The following PGAP3 variants were observed in gnomAD, a reference collection of about 807,000 sequenced individuals.
The protein encoded by PGAP3 is GPI-specific phospholipase A2-like PGAP3.
In PGAP3, 31 loss-of-function variants were observed where a neutral mutation model predicts 40.3. That is an observed-to-expected ratio of 0.77 (90% confidence interval 0.58 to 1.04). The LOEUF (loss-of-function observed/expected upper bound fraction) is 1.04, where lower values mean the gene tolerates loss of function less well. PGAP3 is among the 50% of genes least tolerant of loss of function. The probability of loss-of-function intolerance (pLI) is 0.00; values close to 1 mark genes in which losing one functional copy is unlikely to be tolerated. For missense variants in PGAP3, 413 were observed against 423.0 expected (o/e 0.98, Z 0.21); for synonymous variants, 191 against 184.5 (o/e 1.04, Z -0.29).
At chr17:39,687,781 A>T (rs1397367819) in intron 1 of PGAP3, 53 bp downstream of exon 1, 1 of 1,232,064 alleles carries the variant, frequency 8.1e-7, no homozygotes. Flanking sequence ...TTGGGGGCGC[A>T]GGGGGCGGGA....
intron 4 of PGAP3, 146 bp from the exon 5 acceptor site, chr17:39,674,200 C>T (rs2057347541): frequency 2.5e-6 from 2 of 785,148 alleles, no homozygotes; most frequent in Admixed American, 2.2e-5. Flanking sequence ...CTTGTGTTCA[C>T]ATCACCATAC....
chr17:39,687,974 GC>G lies in PGAP3; in HGVS notation c.40del (p.Ala14GlnfsTer33). On this transcript the variant is annotated frameshift_variant, in exon 1 of 8. Transcript: ENST00000300658. LOFTEE classifies it high-confidence loss of function. Reference sequence around the variant, plus strand: ...CTGGGAGCCGCTCGCCAGCGCCGCTGCCCCAGCTAGCAGGACCAACCGCGCC... The same window carrying G: ...CTGGGAGCCGCTCGCCAGCGCCGCTGCCCAGCTAGCAGGACCAACCGCGCC... ...LAARLVLLAGAAALASGSQGD... is the reference protein window; with the variant it reads ...LAARLVLLAGXAALASGSQGD... 2.1e-6 allele frequency: 3 copies of G among 1,460,896 alleles called. No homozygotes were observed. The highest frequency in any genetic ancestry group is 2.8e-6 in the Non-Finnish European group (3 of 1,090,824). The allele number at this position is 1,460,896 out of a possible 1,614,324, so 90.5% of individuals were successfully genotyped here.
chr17:39,673,782 C>T, intron 5 of PGAP3, 132 bp from the exon 6 acceptor site: 1 of 1,334,534 alleles, frequency 7.5e-7, no homozygotes, highest in Non-Finnish European at 1.0e-6. Flanking sequence ...CCAAACAGGC[C>T]ACAGCTGGGC....
chr17:39,687,352 C>T (rs1278280478), intron 1 of PGAP3, among the ~76,000 whole-genome samples: 1 of 152,146 alleles, frequency 6.6e-6, no homozygotes, highest in African/African-American at 2.4e-5. Context: ...GGTTCTTTGC[C>T]CACTATGGTC....
chr17:39,681,916 C>T (rs1048996921), intron 3 of PGAP3, among the ~76,000 whole-genome samples: 1 of 151,584 alleles, frequency 6.6e-6, no homozygotes, highest in African/African-American at 2.4e-5. Context: ...TGCTTTAACC[C>T]TTATAAAAAA....
Position 39,673,622 on chromosome 17 carries a change from C to A in PGAP3, c.586G>T (p.Val196Phe), listed in dbSNP as rs1369368212. Residue 196 changes from valine (V) to phenylalanine (F), a missense_variant, in exon 6 of 8, where the codon GTC becomes TTC. Val to Phe is a conservative substitution (Grantham distance 50). Transcript: ENST00000300658. ...RTVGLQHPAVVSAFRALLLLM... is the reference protein window; with the variant it reads ...RTVGLQHPAVFSAFRALLLLM... Reference sequence around the variant, plus strand: ...AGCAGGAGAGCCCGGAAGGCACTGACCACAGCTGGGTGCTGCAGCCCCACG... The same window carrying A: ...AGCAGGAGAGCCCGGAAGGCACTGAACACAGCTGGGTGCTGCAGCCCCACG... 1.2e-6 allele frequency: 2 copies of A among 1,613,996 alleles called. No individual in the cohort carries two copies. The highest frequency in any genetic ancestry group is 1.7e-6 in the Non-Finnish European group (2 of 1,180,024).
At position 39,685,919 on chromosome 17, in the gene PGAP3, C is replaced by T. The variant is rs1452532244; in HGVS notation, c.279+3G>A. ...ATATGCCTACCCTGACCCTCCAACT[C>T]ACCTTGCCATGGAACTGAGGCACTT... On this transcript the variant is annotated splice_donor_region_variant and intron_variant, in intron 2 of 7. Transcript: ENST00000300658. The T allele has an allele frequency of 6.2e-7, 1 of 1,612,200 alleles. No individual in the cohort carries two copies. Among genetic ancestry groups the T allele is most frequent in the Admixed American group, 1.7e-5 (1 of 59,972 alleles).
At chr17:39,684,500 A>G in intron 3 of PGAP3, 97 bp downstream of exon 3, 2 of 1,371,594 alleles carry the variant, frequency 1.5e-6, no homozygotes, top group Non-Finnish European at 2.0e-6. Context: ...ACAGAGGGGA[A>G]GCTGGTAAGT....
Position 39,687,814 on chromosome 17 carries a change from A to G in PGAP3, c.181+20T>C, listed in dbSNP as rs902458903. 7.3e-7 allele frequency: 1 copy of G among 1,372,394 alleles called. No homozygotes were observed. The highest frequency in any genetic ancestry group is 9.6e-7 in the Non-Finnish European group (1 of 1,046,336). 85.0% of individuals were successfully genotyped at this position (1,372,394 alleles called of 1,614,324 possible). A position where few individuals can be genotyped will look rare whatever the true frequency, so the allele number is the denominator to read the frequency against. On this transcript the variant is annotated intron_variant, in intron 1 of 7. Transcript: ENST00000300658. ...GGAGCAAGACAAATGGGCGGGGCTTACCGTGGGGGTGGGGCTTACCTGCTA... is the reference window on the plus strand; with the variant it reads ...GGAGCAAGACAAATGGGCGGGGCTTGCCGTGGGGGTGGGGCTTACCTGCTA...
rs1156480182 is a variant in PGAP3, at chr17:39,685,962, T to C, written c.239A>G (p.Tyr80Cys). ...YECMWVTVGL[Y>C]LQEGHKVPQF... ...AGGCACTTTGTGACCTTCCTGGAGG[T>C]AGAGCCCAACGGTGACCCACATACA... Residue 80 changes from tyrosine to cysteine, a missense_variant, in exon 2 of 8, where the codon TAC becomes TGC. Transcript: ENST00000300658. 4 of 1,613,282 alleles carry C rather than the reference T, an allele frequency of 2.5e-6. No individual in the cohort carries two copies. The Admixed American group carries it at 5.0e-5, about 20-fold the overall frequency.
In PGAP3 at chr17:39,679,417, CAT is replaced by C. The variant is rs905895632; in HGVS notation, c.433-4740_433-4739del. Reference sequence around the variant, plus strand: ...GTGAAGTGACCCCTGGCCTCTGGCACATGTTATAAAGACAAGGGGTGGGACCC... The same window carrying C: ...GTGAAGTGACCCCTGGCCTCTGGCACGTTATAAAGACAAGGGGTGGGACCC... On this transcript the variant is annotated intron_variant, in intron 3 of 7. Coordinates refer to ENST00000300658, the MANE Select transcript of PGAP3 (RefSeq NM_033419.5). Among the ~76,000 whole-genome samples, 98 of 152,256 alleles carry C rather than the reference CAT, an allele frequency of 6.4e-4. 1 individual carries two copies. Among genetic ancestry groups the C allele is most frequent in the African/African-American group, 2.2e-3 (92 of 41,544 alleles).
chr17:39,684,931 G>A (rs1335948022), intron 2 of PGAP3, 182 bp from the exon 3 acceptor site: 25 of 687,536 alleles, frequency 3.6e-5, no homozygotes, highest in Non-Finnish European at 5.9e-5. Flanking sequence ...GCCTAGTTAA[G>A]AGTTATACCC....
At chr17:39,682,229 A>AAG (rs2057451131) in intron 3 of PGAP3, among the ~76,000 whole-genome samples, 1 of 134,134 alleles carries the variant, frequency 7.5e-6, no homozygotes, top group African/African-American at 3.2e-5. Context: ...CTGTCTCAAA[A>AAG]AAAAAAAAAA....
intron 3 of PGAP3, 62 bp from the exon 4 acceptor site, chr17:39,674,741 C>A: frequency 7.0e-7 from 1 of 1,436,294 alleles, no homozygotes; most frequent in Non-Finnish European, 9.5e-7. Flanking sequence ...CAGGGACCCC[C>A]ATTTGCTCAC....
At position 39,687,962 on chromosome 17, in the gene PGAP3, G is replaced by A; in HGVS notation, c.53C>T (p.Ala18Val). The A allele has an allele frequency of 6.8e-7, 1 of 1,470,352 alleles. No individual in the cohort carries two copies. Among genetic ancestry groups the A allele is most frequent in the Non-Finnish European group, 9.1e-7 (1 of 1,095,898 alleles). 91.1% of individuals were successfully genotyped at this position (1,470,352 alleles called of 1,614,324 possible). A position where few individuals can be genotyped will look rare whatever the true frequency, so the allele number is the denominator to read the frequency against. The part of the protein sequence containing the change: ...LVLLAGAAAL[A>V]SGSQGDREPV... Reference sequence around the variant, plus strand: ...CTCACGGTCGCCCTGGGAGCCGCTCGCCAGCGCCGCTGCCCCAGCTAGCAG... The same window carrying A: ...CTCACGGTCGCCCTGGGAGCCGCTCACCAGCGCCGCTGCCCCAGCTAGCAG... Residue 18 changes from alanine to valine, a missense_variant, in exon 1 of 8, where the codon GCG becomes GTG. Ala to Val is a moderately conservative substitution (Grantham distance 64). Coordinates refer to ENST00000300658, the MANE Select transcript of PGAP3 (RefSeq NM_033419.5).
intron 3 of PGAP3, among the ~76,000 whole-genome samples, chr17:39,678,459 G>A (rs538487875): frequency 2.6e-5 from 4 of 152,268 alleles, no homozygotes; most frequent in South Asian, 2.1e-4. Flanking sequence ...CTCCCCACCC[G>A]CCGCCTGGCT....
chr17:39,677,854 G>A (rs1416824591), intron 3 of PGAP3, among the ~76,000 whole-genome samples: 2 of 152,230 alleles, frequency 1.3e-5, no homozygotes, highest in African/African-American at 4.8e-5. Context: ...AATTCGACCC[G>A]GCGCTAAGCC....
intron 3 of PGAP3, among the ~76,000 whole-genome samples, chr17:39,681,052 G>A (rs1303824905): frequency 6.6e-6 from 1 of 152,104 alleles, no homozygotes; most frequent in Non-Finnish European, 1.5e-5. Context: ...TTTTGGTAGA[G>A]ACGGGGTTTC....
In PGAP3 at chr17:39,684,715, G is replaced by T; in HGVS notation, c.314C>A (p.Pro105Gln). The T allele has an allele frequency of 6.2e-7, 1 of 1,612,034 alleles. No homozygotes were observed. The highest frequency in any genetic ancestry group is 8.5e-7 in the Non-Finnish European group (1 of 1,179,142). ...PFSRFLFFQE[P>Q]ASAVASFLNG... ...GAGAAACGAGGCCACGGCCGATGCC[G>T]GCTCTTGAAAGAACAGGAACCGGGA... is the stretch of plus-strand genomic sequence containing the variant. Residue 105 changes from proline (P) to glutamine (Q), a missense_variant, in exon 3 of 8, where the codon CCG becomes CAG. Coordinates refer to ENST00000300658, the MANE Select transcript of PGAP3 (RefSeq NM_033419.5).
Sources: allele counts gnomAD v4.1 joint callset (sites outside exome capture counted in the v4.1 genomes callset), GRCh38; gene constraint gnomAD v4.1.1; transcripts MANE v1.5; gene names NCBI Gene and HGNC (gene_info 2026-07-23, HGNC 2026-07-21).